Variants in MFSD12 observed in about 807,000 individuals in gnomAD.
MFSD12 encodes major facilitator superfamily domain-containing protein 12.
A neutral mutation model predicts 51.2 loss-of-function variants in MFSD12; 67 were observed. The observed-to-expected ratio is 1.31, with a 90% CI of 1.08 to 1.60. MFSD12 has a LOEUF of 1.60. Ranked by LOEUF, MFSD12 falls within the 40% of genes most tolerant of loss-of-function variation. The pLI is 0.00. For synonymous variants in MFSD12, 441 were observed against 316.7 expected (o/e 1.39, Z -4.17); for missense variants, 921 against 673.0 (o/e 1.37, Z -4.08).
At chr19:3,552,165 T>C (rs1599838403) in intron 1 of MFSD12, among the ~76,000 whole-genome samples, 2 of 151,800 alleles carry the variant, frequency 1.3e-5, no homozygotes, top group Middle Eastern at 6.8e-3. Context: ...GGCATTTCAA[T>C]ATCTATTTTT....
Position 3,546,384 on chromosome 19 carries a change from G to A in MFSD12, c.1065C>T (p.Ala355=), listed in dbSNP as rs183177944. 2.3e-3 allele frequency: 3,652 copies of A among 1,608,212 alleles called. 51 individuals are homozygous for A. Among genetic ancestry groups the A allele is most frequent in the South Asian group, 0.023 (2,037 of 90,302 alleles). Residue 355 remains alanine (A), a synonymous_variant, in exon 7 of 10, where the codon GCC becomes GCT. Coordinates refer to ENST00000355415, the MANE Select transcript of MFSD12 (RefSeq NM_174983.5). ...GTCCCTCCGCCAGCGCCACCCAGGC[G>A]GCAAAGGCCAGGATCACCAGGAGGC... ...FSGLLVILAF[A]AWVALAEGLG...
At chr19:3,538,458 A>T in exon 5 of MFSD12, 1 of 312,938 alleles carries the variant, frequency 3.2e-6, no homozygotes, top group Non-Finnish European at 6.4e-6. Flanking sequence ...CCCCCTCCCC[A>T]GTCCCGGCAC....
chr19:3,544,214 A>G lies in MFSD12; in HGVS notation c.*496T>C, dbSNP rs2030734558. The G allele has an allele frequency of 3.0e-6, 4 of 1,319,980 alleles. No homozygotes were observed. Among genetic ancestry groups the G allele is most frequent in the Admixed American group, 3.6e-5 (1 of 27,808 alleles). 81.8% of individuals were successfully genotyped at this position (1,319,980 alleles called of 1,614,324 possible). A position where few individuals can be genotyped will look rare whatever the true frequency, so the allele number is the denominator to read the frequency against. On this transcript the variant is annotated 3_prime_UTR_variant, in exon 10 of 10. Transcript: ENST00000355415. The stretch of plus-strand genomic sequence containing the variant: ...GGAGCCAGGCTGCCGTCATCTCTTT[A>G]TTTGCTGCCAGCAGAGTCCACCAAG...
intron 1 of MFSD12, among the ~76,000 whole-genome samples, chr19:3,553,233 T>G (rs1387012660): frequency 6.6e-6 from 1 of 151,986 alleles, no homozygotes; most frequent in East Asian, 1.9e-4. Flanking sequence ...CCAGTCTGGG[T>G]TAACCATTGT....
chr19:3,543,833 C>T (rs1398976951), downstream of MFSD12: 1 of 1,530,958 alleles, frequency 6.5e-7, no homozygotes, highest in Non-Finnish European at 8.8e-7. Flanking sequence ...CTACAGTGCT[C>T]AACAGGAACC....
chr19:3,550,333 G>C (rs569105902), intron 2 of MFSD12, among the ~76,000 whole-genome samples: 1 of 152,228 alleles, frequency 6.6e-6, no homozygotes, highest in South Asian at 2.1e-4. Context: ...AGGATCGCTT[G>C]AGCCCAAGAG....
chr19:3,554,949 C>T (rs1330520010), intron 1 of MFSD12, among the ~76,000 whole-genome samples: 1 of 152,182 alleles, frequency 6.6e-6, no homozygotes, highest in African/African-American at 2.4e-5. Context: ...CCCAGGTGGC[C>T]CCCACCTCTC....
Position 3,557,289 on chromosome 19 carries a change from A to C in MFSD12, c.115T>G (p.Trp39Gly), listed in dbSNP as rs747968240. The C allele has an allele frequency of 1.3e-6, 2 of 1,596,978 alleles. No homozygotes were observed. Among genetic ancestry groups the C allele is most frequent in the South Asian group, 2.3e-5 (2 of 88,364 alleles). ...AGGTAGAGCAGCAGGTAGGTGAACC[A>C]CATGGACGCGCACAGGTCGTTGAGG... ...HFLNDLCASMWFTYLLLYLHS... is the reference protein window; with the variant it reads ...HFLNDLCASMGFTYLLLYLHS... The change falls in exon 1 of 10, where the codon TGG (tryptophan) becomes GGG (glycine). Residue 39 changes from tryptophan (W) to glycine (G), a missense_variant. Coordinates refer to ENST00000355415, the MANE Select transcript of MFSD12 (RefSeq NM_174983.5).
At position 3,546,296 on chromosome 19, in the gene MFSD12, T is replaced by A. The variant is rs1202020037; in HGVS notation, c.1153A>T (p.Thr385Ser). ...AGGTCGGCCGTCATGGCCAGCGAGG[T>A]GACGAGGATGGTGGCACAGCCAGCA... The part of the protein sequence containing the change: ...LGAGCATILV[T>S]SLAMTADLIG... The change falls in exon 7 of 10, where the codon ACC (threonine) becomes TCC (serine). Residue 385 changes from threonine (T) to serine (S), a missense_variant. By Grantham distance (58) the Thr-to-Ser change is moderately conservative. Coordinates refer to ENST00000355415, the MANE Select transcript of MFSD12 (RefSeq NM_174983.5). 2 of 1,609,560 alleles carry A rather than the reference T, an allele frequency of 1.2e-6. No homozygotes were observed. Among genetic ancestry groups the A allele is most frequent in the Non-Finnish European group, 1.7e-6 (2 of 1,178,874 alleles).
intron 1 of MFSD12, among the ~76,000 whole-genome samples, chr19:3,552,697 C>A (rs1044009121): frequency 6.6e-6 from 1 of 152,070 alleles, no homozygotes; most frequent in Admixed American, 6.5e-5. Flanking sequence ...GTTGGCCAGG[C>A]TGAAGTCGAA....
chr19:3,545,786 T>C (rs1186598264), intron 8 of MFSD12, among the ~76,000 whole-genome samples: 1 of 152,224 alleles, frequency 6.6e-6, no homozygotes, highest in Non-Finnish European at 1.5e-5. Context: ...CTGAGTTCTG[T>C]GGGTCTGGGT....
At chr19:3,548,073 C>T in intron 3 of MFSD12, 43 bp from the exon 4 acceptor site, 1 of 1,601,408 alleles carries the variant, frequency 6.2e-7, no homozygotes, top group Non-Finnish European at 8.5e-7. Context: ...GGGCCCAGCC[C>T]CCGCCCCTGG....
chr19:3,546,102 T>C lies in MFSD12; in HGVS notation c.1261A>G (p.Met421Val). ...LDKVANGLAV[M>V]AIQSLHPCPS... ...CAAGGGTGCAGGCTCTGGATGGCCATGACTGCCAGCCCATTGGCCACCTTA... is the reference window on the plus strand; with the variant it reads ...CAAGGGTGCAGGCTCTGGATGGCCACGACTGCCAGCCCATTGGCCACCTTA... Residue 421 changes from methionine (M) to valine (V), a missense_variant, in exon 8 of 10, where the codon ATG becomes GTG. By Grantham distance (21) the Met-to-Val change is conservative. Transcript: ENST00000355415. The C allele has an allele frequency of 6.2e-7, 1 of 1,613,394 alleles. No homozygotes were observed. Among genetic ancestry groups the C allele is most frequent in the Non-Finnish European group, 8.5e-7 (1 of 1,179,994 alleles).
chr19:3,550,082 A>G (rs112432919), intron 2 of MFSD12, among the ~76,000 whole-genome samples: 125 of 152,202 alleles, frequency 8.2e-4, no homozygotes, highest in African/African-American at 2.9e-3. Flanking sequence ...CAAGACTACA[A>G]CTTCTGCCAC....
At chr19:3,548,323 TC>T in intron 2 of MFSD12, 56 bp from the exon 3 acceptor site, 2 of 1,534,438 alleles carry the variant, frequency 1.3e-6, no homozygotes, top group Non-Finnish European at 1.7e-6. Flanking sequence ...GGTCACTTCC[TC>T]CCCACGTGGC....
rs768165868 is a variant in MFSD12 at position 3,557,308 on chromosome 19, G to A, written c.96C>T (p.Asn32=). 2.5e-6 allele frequency: 4 copies of A among 1,590,232 alleles called. No homozygotes were observed. Among genetic ancestry groups the A allele is most frequent in the South Asian group, 1.1e-5 (1 of 87,600 alleles). The change falls in exon 1 of 10, where the codon AAC becomes AAT. Residue 32 remains asparagine (N), a synonymous_variant. Coordinates refer to ENST00000355415, the MANE Select transcript of MFSD12 (RefSeq NM_174983.5). ...RLSYAVGHFL[N]DLCASMWFTY... ...TGAACCACATGGACGCGCACAGGTCGTTGAGGAAGTGGCCCACGGCGTAGC... is the reference window on the plus strand; with the variant it reads ...TGAACCACATGGACGCGCACAGGTCATTGAGGAAGTGGCCCACGGCGTAGC...
chr19:3,545,387 G>A (rs548986934), intron 8 of MFSD12, among the ~76,000 whole-genome samples: 7 of 152,178 alleles, frequency 4.6e-5, no homozygotes, highest in East Asian at 1.9e-4. Flanking sequence ...GGCCCTGCAC[G>A]ACCTGCCCTC....
rs1002644406 is a variant in MFSD12, at chr19:3,551,486, C to T, written c.299-292G>A. Among the ~76,000 whole-genome samples, 9 of 152,152 alleles carry T rather than the reference C, an allele frequency of 5.9e-5. No individual in the cohort carries two copies. The highest frequency in any genetic ancestry group is 1.9e-4 in the East Asian group (1 of 5,180). ...CCCCCACAGGTGCCCCGGTTACAGCCGCAGCCTCCCCCAGCTCCTCCCCCT... is the reference window on the plus strand; with the variant it reads ...CCCCCACAGGTGCCCCGGTTACAGCTGCAGCCTCCCCCAGCTCCTCCCCCT... On this transcript the variant is annotated intron_variant, in intron 1 of 9. Coordinates refer to ENST00000355415, the MANE Select transcript of MFSD12 (RefSeq NM_174983.5). The surrounding 1 kb of genome is among the most constrained non-coding windows in gnomAD (Gnocchi z 4.6).
At chr19:3,539,064 C>T (rs1041237415) in intron 4 of MFSD12, 48 of 685,970 alleles carry the variant, frequency 7.0e-5, no homozygotes, top group Middle Eastern at 3.7e-4. Flanking sequence ...CACCTCACCC[C>T]GCAGCTGGGA....
Sources: allele counts gnomAD v4.1 joint callset (sites outside exome capture counted in the v4.1 genomes callset), GRCh38; gene constraint gnomAD v4.1.1; non-coding constraint Gnocchi (gnomAD v3.1); transcripts MANE v1.5; gene names NCBI Gene and HGNC (gene_info 2026-07-23, HGNC 2026-07-21).